IRAK3: variants seen among roughly 807,000 people sequenced by gnomAD.
The protein encoded by IRAK3 is interleukin-1 receptor-associated kinase 3.
IRAK3 carries 57 observed loss-of-function variants against 56.6 expected under a neutral mutation model. That is an observed-to-expected ratio of 1.01 (90% CI 0.81 to 1.26). IRAK3 has a LOEUF of 1.26. Among genes scored for constraint, IRAK3 ranks in the 50% most tolerant of loss-of-function variants. The pLI is 0.00. For missense variants in IRAK3, 703 were observed against 719.0 expected, an observed-to-expected ratio of 0.98 and a Z score of 0.25; for synonymous variants, 258 against 255.7, an observed-to-expected ratio of 1.01 and a Z score of -0.09.
intron 8 of IRAK3, chr12:66,235,332 C>T (rs1168096294): frequency 9.0e-7 from 1 of 1,117,088 alleles, no homozygotes; most frequent in Non-Finnish European, 1.1e-6. Flanking sequence ...GCAGCCTGGG[C>T]GCGGGGCAGC....
At chr12:66,193,255 T>C (rs1458285640) in intron 1 of IRAK3, among the ~76,000 whole-genome samples, 1 of 152,080 alleles carries the variant, frequency 6.6e-6, no homozygotes, top group Non-Finnish European at 1.5e-5. Flanking sequence ...TCAGGTGATC[T>C]GCCTGCCTCA....
chr12:66,244,760 G>A (rs2053010175), intron 9 of IRAK3, 76 bp downstream of exon 9: 1 of 1,377,300 alleles, frequency 7.3e-7, no homozygotes, highest in Middle Eastern at 1.8e-4. Context: ...TTTTTAAAGA[G>A]TTTTAACTTT....
chr12:66,239,664 A>G (rs1027307978), intron 8 of IRAK3, among the ~76,000 whole-genome samples: 3 of 152,180 alleles, frequency 2.0e-5, no homozygotes, highest in African/African-American at 7.2e-5. Flanking sequence ...TTAGATATAT[A>G]TAATTCTTTT....
intron 1 of IRAK3, among the ~76,000 whole-genome samples, chr12:66,195,115 A>G (rs1287131117): frequency 1.3e-5 from 2 of 152,170 alleles, no homozygotes; most frequent in Non-Finnish European, 2.9e-5. Flanking sequence ...CAGTAATGGC[A>G]GTTCCATTCT....
At chr12:66,207,160 A>C (rs2052565827) in intron 2 of IRAK3, among the ~76,000 whole-genome samples, 1 of 152,112 alleles carries the variant, frequency 6.6e-6, no homozygotes, top group Non-Finnish European at 1.5e-5. Context: ...GGTTCTATCG[A>C]GTTTTCTTTT....
intron 1 of IRAK3, 70 bp downstream of exon 1, chr12:66,189,502 C>T: frequency 1.9e-6 from 2 of 1,031,706 alleles, no homozygotes; most frequent in East Asian, 5.6e-5. Flanking sequence ...TCGGCGTCGC[C>T]CTGCATGGCT....
chr12:66,232,583 G>A (rs2052855007), intron 8 of IRAK3, among the ~76,000 whole-genome samples: 1 of 152,196 alleles, frequency 6.6e-6, no homozygotes, highest in South Asian at 2.1e-4. Context: ...GGCCAGATGT[G>A]ATTGGCTGAC....
At chr12:66,200,918 C>T (rs1360611880) in intron 1 of IRAK3, among the ~76,000 whole-genome samples, 2 of 152,162 alleles carry the variant, frequency 1.3e-5, no homozygotes, top group Non-Finnish European at 2.9e-5. Context: ...TCAAGTGATT[C>T]TCCCACCTCA....
At chr12:66,192,363 T>C (rs56156535) in intron 1 of IRAK3, among the ~76,000 whole-genome samples, 37,821 of 152,114 alleles carry the variant, frequency 0.25, 5,026 homozygotes, top group Middle Eastern at 0.37. Flanking sequence ...TTATGGCTTT[T>C]AGTGAAAGCA....
chr12:66,250,733 T>C lies in IRAK3; in HGVS notation c.*2562T>C, dbSNP rs2053090703. The C allele has an allele frequency of 6.6e-6, 1 of 152,268 alleles. No individual in the cohort carries two copies. The highest frequency in any genetic ancestry group is 6.5e-5 in the Admixed American group (1 of 15,294). The allele number at this position is 152,268 out of a possible 1,614,324, so 9.4% of individuals were successfully genotyped here. ...CCGCACATATAATCTGTGGGTATTA[T>C]GTTGATTTGAACTTGCTTAGCTGAC... On this transcript the variant is annotated 3_prime_UTR_variant, in exon 12 of 12. Transcript: ENST00000261233.
At chr12:66,228,199 A>C in intron 7 of IRAK3, 53 bp from the exon 8 acceptor site, 1 of 1,172,620 alleles carries the variant, frequency 8.5e-7, no homozygotes, top group Non-Finnish European at 1.3e-6. Context: ...ATGAATACAT[A>C]GGTAGTTTTT....
intron 7 of IRAK3, 83 bp from the exon 8 acceptor site, chr12:66,228,169 T>C (rs1254179168): frequency 1.0e-6 from 1 of 984,418 alleles, no homozygotes; most frequent in East Asian, 2.4e-5. Context: ...TCTACTTCTA[T>C]TCTGGTGTAT....
chr12:66,224,375 C>T (rs1175216029), intron 6 of IRAK3, among the ~76,000 whole-genome samples: 2 of 152,118 alleles, frequency 1.3e-5, no homozygotes, highest in Non-Finnish European at 2.9e-5. Flanking sequence ...CCTAAGTAAA[C>T]AGACAATTTC....
intron 2 of IRAK3, among the ~76,000 whole-genome samples, chr12:66,208,469 C>G (rs1164676446): frequency 1.3e-5 from 2 of 152,058 alleles, no homozygotes; most frequent in Non-Finnish European, 1.5e-5. Flanking sequence ...TGCAAAAATG[C>G]TGATAATACA....
rs1259980559 is a variant in IRAK3 at position 66,250,346 on chromosome 12, A to G, written c.*2175A>G. 1 of 152,188 alleles carries G rather than the reference A, an allele frequency of 6.6e-6. No individual in the cohort carries two copies. The highest frequency in any genetic ancestry group is 1.9e-4 in the East Asian group (1 of 5,194). The allele number at this position is 152,188 out of a possible 1,614,324, so 9.4% of individuals were successfully genotyped here. A position where few individuals can be genotyped will look rare whatever the true frequency, so the allele number is the denominator to read the frequency against. On this transcript the variant is annotated 3_prime_UTR_variant, in exon 12 of 12. Transcript: ENST00000261233. ...GTTAATCATATTCACATTAGATTCC[A>G]TGTTGAAGAACAACTAATCAAAGAA...
intron 1 of IRAK3, among the ~76,000 whole-genome samples, chr12:66,190,820 T>C (rs1199564054): frequency 6.6e-6 from 1 of 152,218 alleles, no homozygotes; most frequent in Non-Finnish European, 1.5e-5. Flanking sequence ...ATCTGAACCA[T>C]GGTAGTCTGG....
chr12:66,234,983 C>T lies in IRAK3; in HGVS notation c.887+6613C>T, dbSNP rs1304459823. 3 of 1,613,892 alleles carry T rather than the reference C, an allele frequency of 1.9e-6. No individual in the cohort carries two copies. The African/African-American group carries it at 4.0e-5, about 22-fold the overall frequency. On this transcript the variant is annotated intron_variant, in intron 8 of 11. Transcript: ENST00000261233. ...GCTGTCAAAGTCGACAAAACCATAA[C>T]CTTTGCATTTGTTCGTTGTCTTATG...
chr12:66,206,645 A>G (rs1018324281), intron 2 of IRAK3, among the ~76,000 whole-genome samples: 2 of 152,150 alleles, frequency 1.3e-5, no homozygotes, highest in African/African-American at 4.8e-5. Flanking sequence ...GGATTTTTGC[A>G]TCTATATTTG....
At chr12:66,220,349 G>C (rs2052717829) in intron 6 of IRAK3, among the ~76,000 whole-genome samples, 2 of 150,576 alleles carry the variant, frequency 1.3e-5, no homozygotes, top group Non-Finnish European at 3.0e-5. Flanking sequence ...TCAAAGATTA[G>C]TTGATGATAT....
Sources: gnomAD v4.1 joint callset for allele counts (sites outside exome capture counted in the v4.1 genomes callset) on GRCh38, gnomAD v4.1.1 for gene constraint, MANE v1.5 for transcripts, NCBI Gene and HGNC (gene_info 2026-07-23, HGNC 2026-07-21) for gene names.